FANCM: variants seen among roughly 807,000 people sequenced by gnomAD.
FANCM encodes the protein FA complementation group M.
FANCM carries 140 observed loss-of-function variants against 199.5 expected under a neutral mutation model. The observed-to-expected ratio is 0.70, with a 90% CI of 0.61 to 0.81. FANCM has a LOEUF of 0.81. FANCM is among the 30% of genes least tolerant of loss of function. The probability of loss-of-function intolerance (pLI) is 0.00; values close to 1 mark genes in which losing one functional copy is unlikely to be tolerated. For missense variants in FANCM, 2,410 were observed against 2,421.4 expected, an observed-to-expected ratio of 1.00 and a Z score of 0.10; for synonymous variants, 840 against 836.8, an observed-to-expected ratio of 1.00 and a Z score of -0.07.
chr14:45,197,862 CA>C (rs1890154201), intron 21 of FANCM, among the ~76,000 whole-genome samples: 1 of 151,602 alleles, frequency 6.6e-6, no homozygotes, highest in African/African-American at 2.4e-5. Flanking sequence ...CTCCTGTGTT[CA>C]AGTGATTCTC....
intron 9 of FANCM, among the ~76,000 whole-genome samples, chr14:45,160,019 T>A (rs1043204375): frequency 1.4e-5 from 2 of 139,582 alleles, no homozygotes; most frequent in Non-Finnish European, 3.1e-5. Flanking sequence ...TTTTTTTTTT[T>A]AGATGGAATC....
At position 45,176,460 on chromosome 14, in the gene FANCM, T is replaced by G; in HGVS notation, c.3706T>G (p.Phe1236Val). ...DLFSVTFDLGFCSPDSDDEIL... is the reference protein window; with the variant it reads ...DLFSVTFDLGVCSPDSDDEIL... ...ATTTTCTGTTACCTTTGATTTAGGA[T>G]TCTGTAGTCCAGATTCTGATGATGA... Residue 1236 changes from phenylalanine (F) to valine (V), a missense_variant, in exon 14 of 23, where the codon TTC (phenylalanine) becomes GTC (valine). Phe to Val is a conservative substitution (Grantham distance 50). Transcript: ENST00000267430. The G allele has an allele frequency of 6.2e-7, 1 of 1,612,926 alleles. No individual in the cohort carries two copies. The highest frequency in any genetic ancestry group is 8.5e-7 in the Non-Finnish European group (1 of 1,179,616).
rs1211998121 is a variant in FANCM at position 45,185,608 on chromosome 14, A to G, written c.4672+235A>G. Among the ~76,000 whole-genome samples the G allele has an allele frequency of 2.1e-4, 32 of 152,150 alleles. 1 individual carries two copies. ...CTCTTCAGATTGACCTGGGTTGCTCAAGTGTGAAATGTTCATTTCACAAGT... is the reference window on the plus strand; with the variant it reads ...CTCTTCAGATTGACCTGGGTTGCTCGAGTGTGAAATGTTCATTTCACAAGT... On this transcript the variant is annotated intron_variant, in intron 18 of 22. Transcript: ENST00000267430.
At position 45,189,303 on chromosome 14, in the gene FANCM, C is replaced by G. The variant is rs540327722; in HGVS notation, c.5281C>G (p.Pro1761Ala). ...QNHNEVQSTT[P>A]PFTTVDSQKD... ...TCATAATGAAGTCCAGTCTACCACA[C>G]CACCCTTCACTACTGTTGATTCACA... is the stretch of plus-strand genomic sequence containing the variant. Residue 1761 changes from proline to alanine, a missense_variant, in exon 20 of 23, where the codon CCA becomes GCA. Coordinates refer to ENST00000267430, the MANE Select transcript of FANCM (RefSeq NM_020937.4). 59 of 1,613,802 alleles carry G rather than the reference C, an allele frequency of 3.7e-5. No individual in the cohort carries two copies. The South Asian group carries it at 5.8e-4, about 16-fold the overall frequency.
intron 8 of FANCM, among the ~76,000 whole-genome samples, chr14:45,157,196 G>A (rs1046681157): frequency 3.3e-5 from 5 of 152,154 alleles, no homozygotes; most frequent in African/African-American, 1.2e-4. Context: ...ATGTTTTTGA[G>A]ACACCTAAGT....
In FANCM at chr14:45,137,197, A is replaced by AT. The variant is rs1566718147; in HGVS notation, c.639dup (p.Asp214Ter). The stretch of plus-strand genomic sequence containing the variant: ...CGCTGCTGAAATAAAGTGTTTAGTT[A>AT]TTGATGAAGCTCATAAAGCTCTCGG... On this transcript the variant is annotated frameshift_variant, in exon 2 of 23. Coordinates refer to ENST00000267430, the MANE Select transcript of FANCM (RefSeq NM_020937.4). LOFTEE classifies it high-confidence loss of function. 1 of 1,613,554 alleles carries AT rather than the reference A, an allele frequency of 6.2e-7. No individual in the cohort carries two copies. The highest frequency in any genetic ancestry group is 8.5e-7 in the Non-Finnish European group (1 of 1,179,994).
intron 10 of FANCM, among the ~76,000 whole-genome samples, chr14:45,164,772 C>T (rs1300076953): frequency 6.6e-6 from 1 of 152,132 alleles, no homozygotes; most frequent in Non-Finnish European, 1.5e-5. Flanking sequence ...TCTAAAGAAA[C>T]ACATTTTTAA....
Position 45,188,852 on chromosome 14 carries a change from A to G in FANCM, c.4830A>G (p.Glu1610=). 3 of 1,613,636 alleles carry G rather than the reference A, an allele frequency of 1.9e-6. No individual in the cohort carries two copies. The highest frequency in any genetic ancestry group is 1.1e-5 in the South Asian group (1 of 91,022). ...TAGAGGATAGTTTTTGTGTTGATGAAGAGGAGTCTTGCAAAGGCCAATCAA... is the reference window on the plus strand; with the variant it reads ...TAGAGGATAGTTTTTGTGTTGATGAGGAGGAGTCTTGCAAAGGCCAATCAA... ...TYLEDSFCVD[E]EESCKGQSSE... The change falls in exon 20 of 23, where the codon GAA becomes GAG. Residue 1610 remains glutamate, a synonymous_variant. Transcript: ENST00000267430.
chr14:45,171,490 C>T (rs760726216), intron 12 of FANCM, among the ~76,000 whole-genome samples: 5 of 152,136 alleles, frequency 3.3e-5, no homozygotes, highest in Admixed American at 1.3e-4. Context: ...CTCTTCCCCC[C>T]GAGTCCACGA....
chr14:45,167,269 A>G lies in FANCM; in HGVS notation c.2002+106A>G, dbSNP rs568742970. The G allele has an allele frequency of 1.4e-4, 106 of 732,220 alleles. No homozygotes were observed. In the South Asian group the frequency reaches 1.5e-3, roughly 10 times the overall value. 45.4% of individuals were successfully genotyped at this position (732,220 alleles called of 1,614,324 possible). A position where few individuals can be genotyped will look rare whatever the true frequency, so the allele number is the denominator to read the frequency against. ...TTTGAAAAACTGAATATATGTTCTA[A>G]TTAATATATTATAGGCATTCTCTTT... On this transcript the variant is annotated intron_variant, in intron 11 of 22. Coordinates refer to ENST00000267430, the MANE Select transcript of FANCM (RefSeq NM_020937.4).
intron 8 of FANCM, among the ~76,000 whole-genome samples, chr14:45,158,119 GC>G (rs1264627700): frequency 1.3e-5 from 2 of 152,250 alleles, no homozygotes; most frequent in East Asian, 3.9e-4. Context: ...GATCACCTGA[GC>G]CCAAGAGGTC....
chr14:45,177,669 T>A (rs933729390), intron 14 of FANCM, among the ~76,000 whole-genome samples: 2 of 152,174 alleles, frequency 1.3e-5, no homozygotes, highest in South Asian at 2.1e-4. Context: ...TGGGATTACA[T>A]GTGTGAGCCA....
chr14:45,188,366 T>A (rs1472582911), intron 19 of FANCM, among the ~76,000 whole-genome samples: 1 of 152,116 alleles, frequency 6.6e-6, no homozygotes, highest in East Asian at 1.9e-4. Context: ...TCCTTTTTTG[T>A]CCTTGGTTGA....
Position 45,199,895 on chromosome 14 carries a change from G to A in FANCM, c.6034G>A (p.Ala2012Thr). 6.2e-7 allele frequency: 1 copy of A among 1,611,468 alleles called. No individual in the cohort carries two copies. The highest frequency in any genetic ancestry group is 1.1e-5 in the South Asian group (1 of 91,042). ...NSSLQEISMY[A>T]QVTHQKAEEI... Reference sequence around the variant, plus strand: ...CTCACTTCAAGAAATCTCCATGTATGCACAAGTAACTCATCAGAAGGCTGA... The same window carrying A: ...CTCACTTCAAGAAATCTCCATGTATACACAAGTAACTCATCAGAAGGCTGA... The change falls in exon 23 of 23, where the codon GCA (alanine) becomes ACA (threonine). Residue 2012 changes from alanine (A) to threonine (T), a missense_variant. Physicochemically the swap from Ala to Thr is moderately conservative, Grantham distance 58 (BLOSUM62 0). Coordinates refer to ENST00000267430, the MANE Select transcript of FANCM (RefSeq NM_020937.4).
At chr14:45,172,838 G>C (rs190756893) in intron 12 of FANCM, among the ~76,000 whole-genome samples, 15 of 152,154 alleles carry the variant, frequency 9.9e-5, no homozygotes, top group Admixed American at 9.8e-4. Context: ...TTGTCAACTT[G>C]TAAGTCATAT....
rs1277721813 is a variant in FANCM, at chr14:45,167,094, G to A, written c.1933G>A (p.Gly645Ser). Residue 645 changes from glycine (G) to serine (S), a missense_variant, in exon 11 of 23, where the codon GGT (glycine) becomes AGT (serine). Gly to Ser is a moderately conservative substitution (Grantham distance 56). Coordinates refer to ENST00000267430, the MANE Select transcript of FANCM (RefSeq NM_020937.4). ...PKLHKMFITH[G>S]VYEPEKPSRN... ...ATTACACAAAATGTTCATCACACAT[G>A]GTGTCTATGAACCAGAGAAGCCTTC... 3 of 1,613,188 alleles carry A rather than the reference G, an allele frequency of 1.9e-6. No individual in the cohort carries two copies. Among genetic ancestry groups the A allele is most frequent in the Non-Finnish European group, 2.5e-6 (3 of 1,179,226 alleles).
At chr14:45,155,566 G>A (rs1887126692) in intron 8 of FANCM, 107 bp downstream of exon 8, 1 of 642,180 alleles carries the variant, frequency 1.6e-6, no homozygotes. Flanking sequence ...AGCACTTTGG[G>A]AGGCCGAGGA....
rs1889613187 is a variant in FANCM at position 45,189,259 on chromosome 14, C to G, written c.5237C>G (p.Ser1746Ter). 1 of 1,613,364 alleles carries G rather than the reference C, an allele frequency of 6.2e-7. No individual in the cohort carries two copies. The highest frequency in any genetic ancestry group is 8.5e-7 in the Non-Finnish European group (1 of 1,179,386). The part of the protein sequence containing the change: ...LNLKDTISEV[S>*]DFKPQNHNEV... The stretch of plus-strand genomic sequence containing the variant: ...TTAAAGGATACAATTTCCGAAGTCT[C>G]AGACTTCAAACCTCAGAATCATAAT... Residue 1746 changes from serine (S) to a stop codon, truncating the protein, a stop_gained, in exon 20 of 23, where the codon TCA becomes TGA. Coordinates refer to ENST00000267430, the MANE Select transcript of FANCM (RefSeq NM_020937.4). LOFTEE classifies it high-confidence loss of function.
At position 45,166,987 on chromosome 14, in the gene FANCM, A is replaced by G. The variant is rs1343809479; in HGVS notation, c.1826A>G (p.Tyr609Cys). 1.9e-6 allele frequency: 3 copies of G among 1,602,104 alleles called. No individual in the cohort carries two copies. The highest frequency in any genetic ancestry group is 2.6e-6 in the Non-Finnish European group (3 of 1,169,060). The change falls in exon 11 of 23, where the codon TAT becomes TGT. Residue 609 changes from tyrosine to cysteine, a missense_variant. Tyr to Cys is a radical substitution (Grantham distance 194). Coordinates refer to ENST00000267430, the MANE Select transcript of FANCM (RefSeq NM_020937.4). ...AGTCAGTCCAACAAAAGAAGTATAT[A>G]TAAAGCTATTTCAAGTAACAGGCAG... ...NQSQSNKRSI[Y>C]KAISSNRQVL... is the part of the protein sequence containing the mutation.
Sources: gnomAD v4.1 joint callset for allele counts (sites outside exome capture counted in the v4.1 genomes callset) on GRCh38, gnomAD v4.1.1 for gene constraint, MANE v1.5 for transcripts, NCBI Gene and HGNC (gene_info 2026-07-23, HGNC 2026-07-21) for gene names.